CABCOCO1: variants seen among roughly 807,000 people sequenced by gnomAD.
CABCOCO1 encodes ciliary associated calcium binding coiled-coil 1.
Under a neutral mutation model 35.7 loss-of-function variants are expected in CABCOCO1, and 28 were observed. The ratio of observed to expected loss-of-function variants is 0.78; its 90% confidence interval spans 0.58 to 1.07. The LOEUF (loss-of-function observed/expected upper bound fraction) is 1.07. Among genes scored for constraint, CABCOCO1 ranks in the 50% least tolerant of loss-of-function variants. CABCOCO1 has a pLI of 0.00. For synonymous variants in CABCOCO1, 95 were observed against 100.1 expected (o/e 0.95, Z 0.30); for missense variants, 326 against 309.2 (o/e 1.05, Z -0.41).
At chr10:61,760,002 A>C (rs1047579856) in intron 5 of CABCOCO1, 57 bp from the exon 6 acceptor site, 33 of 1,603,640 alleles carry the variant, frequency 2.1e-5, no homozygotes, top group African/African-American at 4.0e-5. Context: ...GAACTGACCG[A>C]AACTGTGGTT....
chr10:61,759,268 G>A (rs1841959988), intron 5 of CABCOCO1, among the ~76,000 whole-genome samples: 1 of 151,990 alleles, frequency 6.6e-6, no homozygotes, highest in Non-Finnish European at 1.5e-5. Context: ...GATGGGAATT[G>A]AAATTAAAAT....
At chr10:61,747,308 A>T (rs1389731707) in intron 5 of CABCOCO1, among the ~76,000 whole-genome samples, 1 of 152,232 alleles carries the variant, frequency 6.6e-6, no homozygotes, top group Admixed American at 6.5e-5. Context: ...ATTGTTGAGC[A>T]GAATGAGAAT....
chr10:61,761,290 A>G (rs968732512), intron 7 of CABCOCO1, among the ~76,000 whole-genome samples: 2 of 152,008 alleles, frequency 1.3e-5, no homozygotes, highest in African/African-American at 4.8e-5. Context: ...CAAACTGTAA[A>G]TGTTGCTTAT....
At chr10:61,688,984 G>A (rs960800131) in intron 4 of CABCOCO1, among the ~76,000 whole-genome samples, 6 of 152,088 alleles carry the variant, frequency 3.9e-5, no homozygotes, top group African/African-American at 9.7e-5. Context: ...CATGCATTTC[G>A]TTTTCAGTGT....
intron 5 of CABCOCO1, among the ~76,000 whole-genome samples, chr10:61,710,482 G>A (rs1840707399): frequency 6.6e-6 from 1 of 151,710 alleles, no homozygotes; most frequent in East Asian, 1.9e-4. Flanking sequence ...TAAAATAGTG[G>A]AAATATGTTA....
rs1839780970 is a variant in CABCOCO1 at position 61,681,244 on chromosome 10, T to C, written c.266T>C (p.Met89Thr). 6.4e-7 allele frequency: 1 copy of C among 1,572,346 alleles called. No homozygotes were observed. Among genetic ancestry groups the C allele is most frequent in the Non-Finnish European group, 8.7e-7 (1 of 1,152,930 alleles). ...YVSGFLWARG[M>T]DFSIIQYSKF... is the part of the protein sequence containing the mutation. ...TCTGGATTTTTGTGGGCTAGAGGAATGGATTTCTCTATTATTCAGTATTCA... is the reference window on the plus strand; with the variant it reads ...TCTGGATTTTTGTGGGCTAGAGGAACGGATTTCTCTATTATTCAGTATTCA... Residue 89 changes from methionine (M) to threonine (T), a missense_variant, in exon 3 of 8, where the codon ATG (methionine) becomes ACG (threonine). Coordinates refer to ENST00000648843, the MANE Select transcript of CABCOCO1 (RefSeq NM_001366906.2).
intron 5 of CABCOCO1, among the ~76,000 whole-genome samples, chr10:61,728,995 A>G (rs1167168501): frequency 6.6e-6 from 1 of 152,186 alleles, no homozygotes; most frequent in East Asian, 1.9e-4. Context: ...AAATATATCA[A>G]AAAAGTGAGC....
At chr10:61,737,583 A>T (rs553311860) in intron 5 of CABCOCO1, among the ~76,000 whole-genome samples, 2 of 152,344 alleles carry the variant, frequency 1.3e-5, no homozygotes, top group Admixed American at 1.3e-4. Context: ...GACTGGATAA[A>T]GGAAATGTGG....
Position 61,765,170 on chromosome 10 carries a change from C to T in CABCOCO1, c.817-769C>T, listed in dbSNP as rs537110230. On this transcript the variant is annotated intron_variant, in intron 7 of 7. Coordinates refer to ENST00000648843, the MANE Select transcript of CABCOCO1 (RefSeq NM_001366906.2). ...ATCACCTAAACAACAACAAAAACAT[C>T]AATTTTGCCACGTCAACCACCACTG... Among the ~76,000 whole-genome samples the T allele has an allele frequency of 6.6e-5, 10 of 152,176 alleles. No homozygotes were observed. In the East Asian group the frequency reaches 1.7e-3, roughly 26 times the overall value.
At chr10:61,762,536 A>C (rs1277254348) in intron 7 of CABCOCO1, among the ~76,000 whole-genome samples, 1 of 152,102 alleles carries the variant, frequency 6.6e-6, no homozygotes, top group Non-Finnish European at 1.5e-5. Flanking sequence ...GGGCCAAATT[A>C]CTGCCAATTT....
At chr10:61,755,997 T>C (rs1389270357) in intron 5 of CABCOCO1, among the ~76,000 whole-genome samples, 1 of 152,056 alleles carries the variant, frequency 6.6e-6, no homozygotes, top group Non-Finnish European at 1.5e-5. Context: ...CCATGGCGGA[T>C]GTCCATTTCA....
chr10:61,755,653 CA>C (rs2132086393), intron 5 of CABCOCO1, among the ~76,000 whole-genome samples: 1 of 152,008 alleles, frequency 6.6e-6, no homozygotes, highest in South Asian at 2.1e-4. Context: ...TTTAATATCT[CA>C]AAAAATGTAA....
At chr10:61,693,891 C>G (rs761668619) in intron 5 of CABCOCO1, among the ~76,000 whole-genome samples, 2 of 151,716 alleles carry the variant, frequency 1.3e-5, no homozygotes, top group Non-Finnish European at 2.9e-5. Context: ...AACAGGTGAA[C>G]CTATAGATTA....
At chr10:61,752,843 T>C (rs577148842) in intron 5 of CABCOCO1, among the ~76,000 whole-genome samples, 2 of 152,316 alleles carry the variant, frequency 1.3e-5, no homozygotes, top group East Asian at 3.9e-4. Flanking sequence ...GCCCCCACTT[T>C]CAGTTGTGGA....
At chr10:61,745,215 GTTC>G (rs1841630528) in intron 5 of CABCOCO1, among the ~76,000 whole-genome samples, 2 of 152,104 alleles carry the variant, frequency 1.3e-5, no homozygotes, top group South Asian at 2.1e-4. Flanking sequence ...TATTTCTTCT[GTTC>G]TTCTTTATAA....
intron 5 of CABCOCO1, among the ~76,000 whole-genome samples, chr10:61,708,117 A>G (rs1161273528): frequency 1.3e-5 from 2 of 151,378 alleles, no homozygotes; most frequent in Admixed American, 6.6e-5. Flanking sequence ...TACATCTTAT[A>G]CTATAACCTT....
chr10:61,747,032 G>C (rs1401574813), intron 5 of CABCOCO1, among the ~76,000 whole-genome samples: 1 of 152,020 alleles, frequency 6.6e-6, no homozygotes, highest in Non-Finnish European at 1.5e-5. Flanking sequence ...GTGAAGTTCA[G>C]ATATATAACA....
At chr10:61,765,119 C>T (rs189308692) in intron 7 of CABCOCO1, among the ~76,000 whole-genome samples, 211 of 152,176 alleles carry the variant, frequency 1.4e-3, no homozygotes, top group African/African-American at 4.8e-3. Context: ...TAAGCTACTC[C>T]TTATACAGCG....
At chr10:61,669,015 T>C (rs1839274331) in intron 1 of CABCOCO1, among the ~76,000 whole-genome samples, 2 of 36,408 alleles carry the variant, frequency 5.5e-5, no homozygotes, top group Non-Finnish European at 1.6e-4. Flanking sequence ...ATTTTAAGGG[T>C]TGGGGAAAAA....
Sources: allele counts gnomAD v4.1 joint callset (sites outside exome capture counted in the v4.1 genomes callset), GRCh38; gene constraint gnomAD v4.1.1; transcripts MANE v1.5; gene names NCBI Gene and HGNC (gene_info 2026-07-23, HGNC 2026-07-21).